Variants in CACNA2D3 observed in about 807,000 individuals in gnomAD.
CACNA2D3 encodes voltage-dependent calcium channel subunit alpha-2/delta-3.
Under a neutral mutation model 160.6 loss-of-function variants are expected in CACNA2D3, and 60 were observed. That is an observed-to-expected ratio of 0.37 (90% CI 0.30 to 0.46). The LOEUF is 0.46. CACNA2D3 is among the 20% of genes least tolerant of loss of function. The pLI, the probability that CACNA2D3 is intolerant of heterozygous loss-of-function variation, is 1.00. For synonymous variants in CACNA2D3, 558 were observed against 492.9 expected (o/e 1.13, Z -1.75); for missense variants, 1,205 against 1,365.0 (o/e 0.88, Z 1.85).
intron 4 of CACNA2D3, among the ~76,000 whole-genome samples, chr3:54,471,782 A>G (rs1460190097): frequency 6.6e-6 from 1 of 152,198 alleles, no homozygotes; most frequent in East Asian, 1.9e-4. Flanking sequence ...CCTCTACACA[A>G]ATAAACTAGA....
chr3:54,202,576 A>G (rs576066348), intron 2 of CACNA2D3, among the ~76,000 whole-genome samples: 22 of 152,334 alleles, frequency 1.4e-4, no homozygotes, highest in African/African-American at 4.6e-4. Context: ...TCTATTTACT[A>G]TGATTAATAG....
At chr3:54,206,240 T>C (rs937312419) in intron 2 of CACNA2D3, among the ~76,000 whole-genome samples, 2 of 152,202 alleles carry the variant, frequency 1.3e-5, no homozygotes, top group Non-Finnish European at 2.9e-5. Flanking sequence ...GAAAGAGTCC[T>C]AGAAATTCTG....
intron 11 of CACNA2D3, among the ~76,000 whole-genome samples, chr3:54,716,885 A>C (rs1701060601): frequency 6.7e-6 from 1 of 149,352 alleles, no homozygotes; most frequent in Non-Finnish European, 1.5e-5. Context: ...GCATGTGATA[A>C]GGGACGCAAA....
At chr3:54,542,148 G>A (rs1488368116) in intron 5 of CACNA2D3, among the ~76,000 whole-genome samples, 1 of 151,532 alleles carries the variant, frequency 6.6e-6, no homozygotes, top group Non-Finnish European at 1.5e-5. Flanking sequence ...TGCAACCTCC[G>A]ACTCCCTGGT....
intron 3 of CACNA2D3, among the ~76,000 whole-genome samples, chr3:54,350,968 GTT>G (rs758501839): frequency 7.1e-5 from 4 of 56,106 alleles, no homozygotes; most frequent in African/African-American, 2.6e-4. Context: ...TCTTGAGTCT[GTT>G]TTTTTTTTTT....
At chr3:54,711,933 T>A (rs1700960967) in intron 11 of CACNA2D3, among the ~76,000 whole-genome samples, 1 of 152,098 alleles carries the variant, frequency 6.6e-6, no homozygotes, top group Non-Finnish European at 1.5e-5. Flanking sequence ...TGCTATATGG[T>A]GAATATTAAA....
intron 2 of CACNA2D3, among the ~76,000 whole-genome samples, chr3:54,245,935 C>T (rs1036168433): frequency 2.0e-5 from 3 of 152,220 alleles, no homozygotes; most frequent in African/African-American, 7.2e-5. Flanking sequence ...AAGCAATCTG[C>T]CCACTTAGGC....
At chr3:54,215,714 G>GTCACCGGCTCACAAAA (rs991487062) in intron 2 of CACNA2D3, among the ~76,000 whole-genome samples, 4 of 152,146 alleles carry the variant, frequency 2.6e-5, no homozygotes, top group African/African-American at 9.7e-5. Flanking sequence ...AATTTCCAAA[G>GTCACCGGCTCACAAAA]TCACCGGCTC....
chr3:54,241,535 G>A (rs1701973712), intron 2 of CACNA2D3, among the ~76,000 whole-genome samples: 1 of 152,156 alleles, frequency 6.6e-6, no homozygotes, highest in East Asian at 1.9e-4. Flanking sequence ...GAGCAGAATC[G>A]GTGCAAACTG....
At chr3:54,258,980 C>A (rs189051743) in intron 2 of CACNA2D3, among the ~76,000 whole-genome samples, 5 of 152,352 alleles carry the variant, frequency 3.3e-5, no homozygotes, top group Admixed American at 1.3e-4. Context: ...AAAGTATTAA[C>A]CTGATCACCA....
At position 54,287,077 on chromosome 3, in the gene CACNA2D3, A is replaced by G. The variant is rs541063108; in HGVS notation, c.205-33365A>G. 2.7e-3 allele frequency among the ~76,000 whole-genome samples: 406 copies of G among 152,094 alleles called. 1 individual carries two copies. The highest frequency in any genetic ancestry group is 9.3e-3 in the African/African-American group (384 of 41,384). On this transcript the variant is annotated intron_variant, in intron 2 of 37. Transcript: ENST00000474759. Reference sequence around the variant, plus strand: ...GATAGGATCAAATTCACACATAACAATATTAACTTTAAATGTAAATGGACT... The same window carrying G: ...GATAGGATCAAATTCACACATAACAGTATTAACTTTAAATGTAAATGGACT...
chr3:54,638,823 G>A (rs1699438105), intron 10 of CACNA2D3: 1 of 152,018 alleles, frequency 6.6e-6, no homozygotes, highest in South Asian at 2.1e-4. Flanking sequence ...TGTTGAGTTT[G>A]TATTGGGGTC....
At chr3:54,440,478 A>T (rs1031024530) in intron 4 of CACNA2D3, among the ~76,000 whole-genome samples, 13 of 152,164 alleles carry the variant, frequency 8.5e-5, no homozygotes, top group South Asian at 6.2e-4. Context: ...ATTTCTTTTT[A>T]AAAAAATTAT....
intron 35 of CACNA2D3, 33 bp downstream of exon 35, chr3:55,018,350 A>C: frequency 2.3e-6 from 3 of 1,307,382 alleles, no homozygotes; most frequent in Non-Finnish European, 3.3e-6. Flanking sequence ...AACCCCCTAC[A>C]CCTTTCTGCT....
chr3:54,767,283 A>G (rs777678135), intron 13 of CACNA2D3, among the ~76,000 whole-genome samples: 1 of 152,218 alleles, frequency 6.6e-6, no homozygotes, highest in Non-Finnish European at 1.5e-5. Flanking sequence ...ACTTTAGAAT[A>G]TAGTAGTACA....
chr3:54,954,025 C>T (rs1157581651), intron 27 of CACNA2D3, among the ~76,000 whole-genome samples: 1 of 152,230 alleles, frequency 6.6e-6, no homozygotes, highest in African/African-American at 2.4e-5. Flanking sequence ...AACCTAATTT[C>T]CATCAGAAGT....
chr3:54,551,990 T>A (rs1173711510), intron 5 of CACNA2D3, among the ~76,000 whole-genome samples: 1 of 152,202 alleles, frequency 6.6e-6, no homozygotes. Flanking sequence ...GAATATTAGC[T>A]TAACTACAGC....
chr3:54,536,038 C>T (rs1178042299), intron 5 of CACNA2D3, among the ~76,000 whole-genome samples: 3 of 152,202 alleles, frequency 2.0e-5, no homozygotes, highest in Non-Finnish European at 4.4e-5. Flanking sequence ...GCTATTTAGA[C>T]GTGACTGTTA....
At chr3:54,528,638 G>A (rs1262921888) in intron 5 of CACNA2D3, among the ~76,000 whole-genome samples, 1 of 152,150 alleles carries the variant, frequency 6.6e-6, no homozygotes, top group Non-Finnish European at 1.5e-5. Flanking sequence ...AAGGGTCAGT[G>A]TGGCTGGGCA....
Sources: allele counts gnomAD v4.1 joint callset (sites outside exome capture counted in the v4.1 genomes callset), GRCh38; gene constraint gnomAD v4.1.1; transcripts MANE v1.5; gene names NCBI Gene and HGNC (gene_info 2026-07-23, HGNC 2026-07-21).